LRBA: variants seen among roughly 807,000 people sequenced by gnomAD.
The protein encoded by LRBA is lipopolysaccharide-responsive and beige-like anchor protein.
In LRBA, 176 loss-of-function variants were observed where a neutral mutation model predicts 330.0. That is an observed-to-expected ratio of 0.53 (90% CI 0.47 to 0.60). The LOEUF (loss-of-function observed/expected upper bound fraction) is 0.60. Ranked by LOEUF, LRBA falls within the 20% of genes least tolerant of loss-of-function variation. LRBA has a pLI of 0.00. For synonymous variants in LRBA, 1,230 were observed against 1,193.0 expected (o/e 1.03, Z -0.64); for missense variants, 3,259 against 3,444.8 (o/e 0.95, Z 1.35).
intron 40 of LRBA, among the ~76,000 whole-genome samples, chr4:150,525,750 T>C (rs571920780): frequency 6.6e-6 from 1 of 152,294 alleles, no homozygotes; most frequent in Non-Finnish European, 1.5e-5. Context: ...TAGGGAATCT[T>C]ATAAAACCCC....
At chr4:150,902,492 A>G (rs1435257432) in intron 13 of LRBA, among the ~76,000 whole-genome samples, 2 of 152,166 alleles carry the variant, frequency 1.3e-5, no homozygotes, top group Non-Finnish European at 2.9e-5. Context: ...ATGACAGGAA[A>G]TATCCTCTCC....
intron 51 of LRBA, among the ~76,000 whole-genome samples, chr4:150,312,719 GTTAAAAT>G (rs1470726271): frequency 1.3e-5 from 2 of 152,084 alleles, no homozygotes. Context: ...ATGATAGACT[GTTAAAAT>G]TATAGATTAC....
chr4:150,617,986 C>T (rs913959176), intron 37 of LRBA, among the ~76,000 whole-genome samples: 15 of 152,148 alleles, frequency 9.9e-5, no homozygotes, highest in Middle Eastern at 3.4e-3. Context: ...AGCCTGTAGT[C>T]CCAGCCACTC....
chr4:150,662,141 C>T (rs910285034), intron 37 of LRBA, among the ~76,000 whole-genome samples: 1 of 152,148 alleles, frequency 6.6e-6, no homozygotes, highest in African/African-American at 2.4e-5. Flanking sequence ...AAAATCTCAT[C>T]TAAATCCCAA....
Position 150,629,902 on chromosome 4 carries a change from C to T in LRBA, c.5922-30771G>A, listed in dbSNP as rs552101496. 1.9e-3 allele frequency among the ~76,000 whole-genome samples: 287 copies of T among 152,176 alleles called. 2 individuals carry two copies. Among genetic ancestry groups the T allele is most frequent in the Non-Finnish European group, 2.8e-3 (189 of 67,996 alleles). ...AAGAGAATCACTTGAACCCTGGAGG[C>T]GGAGGTTGCAGTAGCCAAGGCCACG... On this transcript the variant is annotated intron_variant, in intron 37 of 56. Coordinates refer to ENST00000651943, the MANE Select transcript of LRBA (RefSeq NM_001364905.1).
chr4:150,722,220 G>A (rs1729033934), intron 36 of LRBA, among the ~76,000 whole-genome samples: 1 of 152,036 alleles, frequency 6.6e-6, no homozygotes, highest in Non-Finnish European at 1.5e-5. Context: ...AATATATAAA[G>A]TTAAGCAGAA....
intron 40 of LRBA, among the ~76,000 whole-genome samples, chr4:150,572,043 A>C (rs1769934797): frequency 6.6e-6 from 1 of 152,054 alleles, no homozygotes; most frequent in African/African-American, 2.4e-5. Context: ...CTTTTAGAAC[A>C]TATGTACTTT....
chr4:150,704,661 G>A (rs985534129), intron 36 of LRBA, among the ~76,000 whole-genome samples: 1 of 151,964 alleles, frequency 6.6e-6, no homozygotes, highest in Non-Finnish European at 1.5e-5. Context: ...CAAACACAAT[G>A]AAATAAATTA....
chr4:150,903,088 G>A (rs1418812965), intron 13 of LRBA, among the ~76,000 whole-genome samples: 1 of 152,146 alleles, frequency 6.6e-6, no homozygotes, highest in African/African-American at 2.4e-5. Flanking sequence ...TCATATGTTA[G>A]GAAAATATTG....
chr4:150,512,327 G>C (rs570042516), intron 40 of LRBA, among the ~76,000 whole-genome samples: 1 of 152,262 alleles, frequency 6.6e-6, no homozygotes, highest in Middle Eastern at 3.4e-3. Context: ...TTATGATTTA[G>C]ATCATTTAAA....
At chr4:150,500,103 T>G (rs556934498) in intron 40 of LRBA, among the ~76,000 whole-genome samples, 41 of 152,224 alleles carry the variant, frequency 2.7e-4, no homozygotes, top group Middle Eastern at 3.4e-3. Flanking sequence ...AGAAGTAGGA[T>G]AGTGAATGTT....
intron 37 of LRBA, among the ~76,000 whole-genome samples, chr4:150,629,108 C>T (rs1777127025): frequency 6.6e-6 from 1 of 152,112 alleles, no homozygotes; most frequent in Admixed American, 6.5e-5. Flanking sequence ...CACTATATTG[C>T]CCAGGCTGGT....
At chr4:150,847,284 ATT>A (rs1456357105) in intron 26 of LRBA, among the ~76,000 whole-genome samples, 4 of 152,266 alleles carry the variant, frequency 2.6e-5, no homozygotes, top group Admixed American at 2.0e-4. Context: ...GATAACTTTT[ATT>A]TTGTTATGCT....
chr4:150,826,361 G>T (rs1023104445), intron 30 of LRBA, among the ~76,000 whole-genome samples: 1 of 152,204 alleles, frequency 6.6e-6, no homozygotes, highest in Non-Finnish European at 1.5e-5. Flanking sequence ...GCAAGGAAGA[G>T]AAGTGAGCAC....
intron 46 of LRBA, chr4:150,422,713 G>A: frequency 1.3e-6 from 1 of 775,598 alleles, no homozygotes; most frequent in African/African-American, 1.7e-5. Context: ...CACCAGGTGA[G>A]CCTCTGGAAC....
At chr4:150,777,067 T>TTGTTGC (rs35913046) in intron 34 of LRBA, among the ~76,000 whole-genome samples, 236 of 8,644 alleles carry the variant, frequency 0.027, 2 homozygotes, top group Non-Finnish European at 0.063. Flanking sequence ...TTGAGGGGTT[T>TTGTTGC]TGTTGTTGTT....
At chr4:150,763,451 A>G (rs947738739) in intron 34 of LRBA, among the ~76,000 whole-genome samples, 1 of 152,032 alleles carries the variant, frequency 6.6e-6, no homozygotes, top group Admixed American at 6.6e-5. Flanking sequence ...ACTGTAAAAC[A>G]GGGATACTAA....
intron 26 of LRBA, among the ~76,000 whole-genome samples, chr4:150,846,914 C>T (rs1279885599): frequency 2.6e-5 from 4 of 152,042 alleles, no homozygotes; most frequent in Non-Finnish European, 1.5e-5. Context: ...AGAGTATTTC[C>T]CTAGCCTCTG....
chr4:150,787,240 T>C (rs1299163659), intron 34 of LRBA, among the ~76,000 whole-genome samples: 1 of 151,874 alleles, frequency 6.6e-6, no homozygotes, highest in Non-Finnish European at 1.5e-5. Flanking sequence ...AAAACACTGA[T>C]TCAGAATTCA....
Sources: allele counts gnomAD v4.1 joint callset (sites outside exome capture counted in the v4.1 genomes callset), GRCh38; gene constraint gnomAD v4.1.1; transcripts MANE v1.5; gene names NCBI Gene and HGNC (gene_info 2026-07-23, HGNC 2026-07-21).